The following GBE1 variants were observed in gnomAD, a reference collection of about 807,000 sequenced individuals.
GBE1 encodes 1,4-alpha-glucan branching enzyme 1, also known as 1,4-alpha-glucan-branching enzyme.
In GBE1, 70 loss-of-function variants were observed where a neutral mutation model predicts 88.8. The ratio of observed to expected loss-of-function variants is 0.79; its 90% CI spans 0.65 to 0.96. The LOEUF is 0.96. Among genes scored for constraint, GBE1 ranks in the 40% least tolerant of loss-of-function variants. The probability of loss-of-function intolerance (pLI) is 0.00; values close to 1 mark genes in which losing one functional copy is unlikely to be tolerated. For missense variants in GBE1, 872 were observed against 871.0 expected, an observed-to-expected ratio of 1.00 and a Z score of -0.01; for synonymous variants, 284 against 300.1, an observed-to-expected ratio of 0.95 and a Z score of 0.56.
intron 1 of GBE1, among the ~76,000 whole-genome samples, chr3:81,726,816 G>A (rs1398308829): frequency 1.3e-5 from 2 of 151,982 alleles, no homozygotes; most frequent in African/African-American, 4.8e-5. Flanking sequence ...TCCTGACCTC[G>A]TGATCTGCCC....
intron 13 of GBE1, among the ~76,000 whole-genome samples, chr3:81,536,222 AG>A (rs1703071597): frequency 6.6e-6 from 1 of 152,000 alleles, no homozygotes; most frequent in Non-Finnish European, 1.5e-5. Context: ...TAAAAAAAAA[AG>A]AATCATAGAC....
chr3:81,743,085 C>T (rs1398482919), intron 1 of GBE1, among the ~76,000 whole-genome samples: 1 of 152,072 alleles, frequency 6.6e-6, no homozygotes, highest in African/African-American at 2.4e-5. Flanking sequence ...AATAATGTGT[C>T]CCCTAACTAT....
intron 3 of GBE1, among the ~76,000 whole-genome samples, chr3:81,669,495 G>A (rs746111235): frequency 5.3e-5 from 8 of 151,844 alleles, no homozygotes; most frequent in East Asian, 1.9e-4. Flanking sequence ...ATAAACTATC[G>A]AAGAATCAAA....
At chr3:81,638,441 C>A (rs1477036826) in intron 7 of GBE1, among the ~76,000 whole-genome samples, 3 of 152,060 alleles carry the variant, frequency 2.0e-5, no homozygotes, top group Admixed American at 6.6e-5. Context: ...TTATTTAAAT[C>A]CAACAAGTTT....
chr3:81,491,944 T>C (rs1359243910), intron 15 of GBE1, among the ~76,000 whole-genome samples: 1 of 152,260 alleles, frequency 6.6e-6, no homozygotes, highest in Non-Finnish European at 1.5e-5. Context: ...TGGTTAGTTT[T>C]TAACATCAAA....
At chr3:81,618,803 T>C (rs945123330) in intron 7 of GBE1, among the ~76,000 whole-genome samples, 1 of 152,122 alleles carries the variant, frequency 6.6e-6, no homozygotes, top group Non-Finnish European at 1.5e-5. Context: ...ACTTGCATAC[T>C]TACTTGAAAA....
intron 15 of GBE1, among the ~76,000 whole-genome samples, chr3:81,497,594 T>C (rs923762041): frequency 6.6e-6 from 1 of 152,172 alleles, no homozygotes; most frequent in African/African-American, 2.4e-5. Context: ...GCCATGGCGT[T>C]TTGTGATCTT....
At position 81,738,232 on chromosome 3, in the gene GBE1, T is replaced by C. The variant is rs575184300; in HGVS notation, c.143+23143A>G. Among the ~76,000 whole-genome samples the C allele has an allele frequency of 4.5e-4, 68 of 151,702 alleles. 1 individual carries two copies. The highest frequency in any genetic ancestry group is 2.6e-3 in the Admixed American group (39 of 15,182). ...AAACATACGTGTGCATGTGTCTTTATAGCAGCATGATTTATAGTCCTTTGG... is the reference window on the plus strand; with the variant it reads ...AAACATACGTGTGCATGTGTCTTTACAGCAGCATGATTTATAGTCCTTTGG... On this transcript the variant is annotated intron_variant, in intron 1 of 15. Transcript: ENST00000429644.
At chr3:81,506,036 C>T (rs1702649246) in intron 14 of GBE1, among the ~76,000 whole-genome samples, 1 of 152,030 alleles carries the variant, frequency 6.6e-6, no homozygotes, top group Non-Finnish European at 1.5e-5. Flanking sequence ...ATGACGAAGA[C>T]ACTAAAAGCA....
chr3:81,677,876 TC>T (rs1288647859), intron 2 of GBE1, among the ~76,000 whole-genome samples: 1 of 152,172 alleles, frequency 6.6e-6, no homozygotes, highest in East Asian at 1.9e-4. Context: ...GGTGTGGTTT[TC>T]AAGAACAATC....
intron 13 of GBE1, 75 bp downstream of exon 13, chr3:81,536,836 G>C: frequency 9.0e-7 from 1 of 1,116,730 alleles, no homozygotes; most frequent in Non-Finnish European, 1.3e-6. Context: ...TCTGCATAGA[G>C]ATTTAAATTG....
chr3:81,561,931 C>A (rs1290821298), intron 12 of GBE1, among the ~76,000 whole-genome samples: 1 of 152,082 alleles, frequency 6.6e-6, no homozygotes, highest in East Asian at 1.9e-4. Flanking sequence ...ATCTCTTCTT[C>A]CAAAGCAGGC....
At chr3:81,525,298 T>A (rs149737731) in intron 14 of GBE1, among the ~76,000 whole-genome samples, 3,616 of 152,170 alleles carry the variant, frequency 0.024, 50 homozygotes, top group Middle Eastern at 0.048. Context: ...TCATGTGGTT[T>A]TTGTCATTGG....
Position 81,721,243 on chromosome 3 carries a change from GA to G in GBE1, c.144-15631del, listed in dbSNP as rs1411695091. Among the ~76,000 whole-genome samples, 163 of 58,068 alleles carry G rather than the reference GA, an allele frequency of 2.8e-3. 7 individuals carry two copies. Among genetic ancestry groups the G allele is most frequent in the East Asian group, 5.6e-3 (3 of 534 alleles). The allele number at this position is 58,068 out of a possible 152,430, so 38.1% of individuals were successfully genotyped here. ...AATAAATAAATAAATAAAAACACAT[GA>G]AAAAAAAAAAAAAGAAAGAAAACCC... is the stretch of plus-strand genomic sequence containing the variant. On this transcript the variant is annotated intron_variant, in intron 1 of 15. Transcript: ENST00000429644.
At chr3:81,670,690 C>T in intron 3 of GBE1, 148 bp downstream of exon 3, 1 of 529,348 alleles carries the variant, frequency 1.9e-6, no homozygotes, top group Non-Finnish European at 3.3e-6. Context: ...AAGACTTCCT[C>T]CTAAATTTCC....
chr3:81,748,453 T>C (rs958873733), intron 1 of GBE1, among the ~76,000 whole-genome samples: 2 of 151,510 alleles, frequency 1.3e-5, no homozygotes, highest in African/African-American at 2.4e-5. Flanking sequence ...CTACTAAAAA[T>C]ACAAAAAATT....
At chr3:81,679,668 C>T (rs1553691075) in intron 2 of GBE1, among the ~76,000 whole-genome samples, 2 of 152,184 alleles carry the variant, frequency 1.3e-5, no homozygotes, top group Non-Finnish European at 2.9e-5. Context: ...TCAAAACAGA[C>T]TATAATTGTA....
intron 9 of GBE1, among the ~76,000 whole-genome samples, chr3:81,587,824 A>T (rs1332416363): frequency 6.6e-6 from 1 of 152,212 alleles, no homozygotes; most frequent in Admixed American, 6.5e-5. Flanking sequence ...ACCTAAATAC[A>T]CACAAACATA....
chr3:81,740,128 G>A (rs771015951), intron 1 of GBE1, among the ~76,000 whole-genome samples: 6 of 152,102 alleles, frequency 3.9e-5, no homozygotes, highest in Non-Finnish European at 8.8e-5. Context: ...AGGAGGCTGA[G>A]GCAGGAGGAT....
Sources: gnomAD v4.1 joint callset for allele counts (sites outside exome capture counted in the v4.1 genomes callset) on GRCh38, gnomAD v4.1.1 for gene constraint, MANE v1.5 for transcripts, NCBI Gene and HGNC (gene_info 2026-07-23, HGNC 2026-07-21) for gene names.